The following SPON1 variants were observed in gnomAD, a reference collection of about 807,000 sequenced individuals.
The protein encoded by SPON1 is spondin-1.
Under a neutral mutation model 111.7 loss-of-function variants are expected in SPON1, and 52 were observed. That is an observed-to-expected ratio of 0.47 (90% CI 0.37 to 0.59). The LOEUF (loss-of-function observed/expected upper bound fraction) is 0.59. Among genes scored for constraint, SPON1 ranks in the 20% least tolerant of loss-of-function variants. The pLI is 0.00. For synonymous variants in SPON1, 410 were observed against 395.8 expected (o/e 1.04, Z -0.43); for missense variants, 957 against 1,068.5 (o/e 0.90, Z 1.46).
intron 5 of SPON1, among the ~76,000 whole-genome samples, chr11:14,131,897 C>T (rs1031096098): frequency 3.3e-5 from 5 of 152,320 alleles, no homozygotes; most frequent in South Asian, 2.1e-4. Context: ...TCTTGTCCCC[C>T]GAGGGCAGCG....
At chr11:14,262,665 C>CTTGT in intron 14 of SPON1, 47 bp from the exon 15 acceptor site, 27 of 1,607,906 alleles carry the variant, frequency 1.7e-5, no homozygotes, top group Non-Finnish European at 2.3e-5. Flanking sequence ...GTGACCATAT[C>CTTGT]TTGTTTCAGA....
At chr11:14,088,360 A>G (rs1419464439) in intron 5 of SPON1, among the ~76,000 whole-genome samples, 2 of 152,196 alleles carry the variant, frequency 1.3e-5, no homozygotes, top group Non-Finnish European at 2.9e-5. Context: ...GCTTGTCTAT[A>G]AAGGATTTTA....
intron 6 of SPON1, among the ~76,000 whole-genome samples, chr11:14,226,638 G>A (rs782566169): frequency 1.3e-5 from 2 of 152,188 alleles, no homozygotes; most frequent in Admixed American, 1.3e-4. Flanking sequence ...GTCAGGGACT[G>A]TCTGCCTTTT....
At chr11:14,003,982 T>A (rs1554912784) in intron 2 of SPON1, among the ~76,000 whole-genome samples, 1 of 152,204 alleles carries the variant, frequency 6.6e-6, no homozygotes, top group Non-Finnish European at 1.5e-5. Context: ...CTCTGCATAT[T>A]TGAGCTCTTT....
rs571052438 is a variant in SPON1 at position 14,012,137 on chromosome 11, C to T, written c.345+29184C>T. 3.3e-5 allele frequency among the ~76,000 whole-genome samples: 5 copies of T among 152,268 alleles called. No homozygotes were observed. The South Asian group carries it at 1.0e-3, about 32-fold the overall frequency. ...GGTCATAGGAGGGAGTTCGTTGACA[C>T]TTTATCTCCTCTTTACCAGTTGGGA... On this transcript the variant is annotated intron_variant, in intron 2 of 15. Coordinates refer to ENST00000576479, the MANE Select transcript of SPON1 (RefSeq NM_006108.4).
At chr11:14,134,087 A>G (rs1268886844) in intron 5 of SPON1, among the ~76,000 whole-genome samples, 1 of 149,964 alleles carries the variant, frequency 6.7e-6, no homozygotes, top group Non-Finnish European at 1.5e-5. Flanking sequence ...TAAAATAGGC[A>G]GTAATGGGGT....
intron 6 of SPON1, among the ~76,000 whole-genome samples, chr11:14,202,845 C>T (rs577671653): frequency 1.1e-4 from 16 of 152,122 alleles, no homozygotes; most frequent in African/African-American, 1.9e-4. Flanking sequence ...TATACATCAC[C>T]GATTACACCG....
At chr11:14,103,546 G>A (rs926558011) in intron 5 of SPON1, among the ~76,000 whole-genome samples, 15 of 152,180 alleles carry the variant, frequency 9.9e-5, no homozygotes, top group African/African-American at 3.4e-4. Flanking sequence ...GAGGAAAGAG[G>A]AGGATTCATC....
chr11:14,182,483 A>G (rs1407887656), intron 6 of SPON1, among the ~76,000 whole-genome samples: 8 of 152,150 alleles, frequency 5.3e-5, no homozygotes, highest in African/African-American at 1.7e-4. Context: ...TTCCCATTCA[A>G]TGAGAAGCCC....
At chr11:14,260,499 G>A in intron 13 of SPON1, 89 bp from the exon 14 acceptor site, 1 of 1,416,212 alleles carries the variant, frequency 7.1e-7, no homozygotes, top group Non-Finnish European at 9.6e-7. Flanking sequence ...GCCAAAGCAG[G>A]GGACTCGGTG....
chr11:14,244,875 C>T (rs980551772), intron 7 of SPON1, among the ~76,000 whole-genome samples: 5 of 152,210 alleles, frequency 3.3e-5, no homozygotes, highest in Non-Finnish European at 7.3e-5. Context: ...GAACACACGT[C>T]GGGGTTCATC....
chr11:14,189,544 GCT>G (rs368314891), intron 6 of SPON1, among the ~76,000 whole-genome samples: 67 of 152,218 alleles, frequency 4.4e-4, no homozygotes, highest in African/African-American at 1.5e-3. Flanking sequence ...TTTTGGCACA[GCT>G]CTCTCTCTGT....
In SPON1 at chr11:14,056,928, C is replaced by T. The variant is rs1303262949; in HGVS notation, c.479+15274C>T. Among the ~76,000 whole-genome samples, 3 of 152,012 alleles carry T rather than the reference C, an allele frequency of 2.0e-5. No individual in the cohort carries two copies. The East Asian group carries it at 5.8e-4, about 29-fold the overall frequency. On this transcript the variant is annotated intron_variant, in intron 3 of 15. Transcript: ENST00000576479. ...AATTAATCAATTAAATAAAATATAA[C>T]ATCAAGACAGGAGGAAGATCTAAAG...
intron 6 of SPON1, among the ~76,000 whole-genome samples, chr11:14,181,708 AG>A (rs1299168629): frequency 1.1e-4 from 17 of 152,342 alleles, no homozygotes; most frequent in Middle Eastern, 3.4e-3. Context: ...TAATCTCAAC[AG>A]GGAGAAGAAT....
chr11:14,062,166 T>TC (rs1301807826), intron 3 of SPON1, among the ~76,000 whole-genome samples: 3 of 152,128 alleles, frequency 2.0e-5, no homozygotes, highest in Non-Finnish European at 4.4e-5. Flanking sequence ...CACTTATTTT[T>TC]CCCAAAAGAC....
At chr11:14,243,278 T>C in intron 6 of SPON1, 54 bp from the exon 7 acceptor site, 1 of 1,512,596 alleles carries the variant, frequency 6.6e-7, no homozygotes, top group Non-Finnish European at 9.0e-7. Flanking sequence ...CAAAGCCCTA[T>C]TGTTCCCATG....
chr11:14,050,042 G>C (rs142454222), intron 3 of SPON1, among the ~76,000 whole-genome samples: 1 of 152,142 alleles, frequency 6.6e-6, no homozygotes, highest in Admixed American at 6.5e-5. Context: ...GCAGCCCTCT[G>C]GCAGGACTGG....
chr11:14,173,871 C>T (rs1188300667), intron 6 of SPON1, among the ~76,000 whole-genome samples: 5 of 150,484 alleles, frequency 3.3e-5, no homozygotes, highest in East Asian at 1.9e-4. Flanking sequence ...CAGAGGAGCA[C>T]CTGGCCGTGT....
At chr11:14,056,838 C>T (rs535049165) in intron 3 of SPON1, among the ~76,000 whole-genome samples, 37 of 152,220 alleles carry the variant, frequency 2.4e-4, no homozygotes, top group African/African-American at 7.5e-4. Flanking sequence ...TTGCAGTAAG[C>T]GGAGATCGCG....
Sources: allele counts gnomAD v4.1 joint callset (sites outside exome capture counted in the v4.1 genomes callset), GRCh38; gene constraint gnomAD v4.1.1; transcripts MANE v1.5; gene names NCBI Gene and HGNC (gene_info 2026-07-23, HGNC 2026-07-21).